Variants in MCPH1 observed in about 807,000 individuals in gnomAD.
The protein encoded by MCPH1 is microcephalin.
A neutral mutation model predicts 84.5 loss-of-function variants in MCPH1; 104 were observed. That is an observed-to-expected ratio of 1.23 (90% CI 1.05 to 1.45). MCPH1 has a LOEUF of 1.45. Ranked by LOEUF, MCPH1 falls within the 40% of genes most tolerant of loss-of-function variation. The pLI, the probability that MCPH1 is intolerant of heterozygous loss-of-function variation, is 0.00. For missense variants in MCPH1, 1,498 were observed against 1,005.7 expected (o/e 1.49, Z -6.62); for synonymous variants, 514 against 366.8 (o/e 1.40, Z -4.58).
At chr8:6,514,456 T>C (rs1815832595) in intron 12 of MCPH1, among the ~76,000 whole-genome samples, 1 of 152,192 alleles carries the variant, frequency 6.6e-6, no homozygotes, top group South Asian at 2.1e-4. Flanking sequence ...CCCAAAGTGC[T>C]GGGATTACAG....
chr8:6,445,388 G>A lies in MCPH1; in HGVS notation c.1666G>A (p.Val556Ile), dbSNP rs747554108. ...AAGCCTTGAAGAAATGAAAGAAGCG[G>A]TTGGTCTGAAAAGCACACAGAACAA... ...EGSLEEMKEA[V>I]GLKSTQNKGT... is the part of the protein sequence containing the mutation. Residue 556 changes from valine (V) to isoleucine (I), a missense_variant, in exon 8 of 14, where the codon GTT (valine) becomes ATT (isoleucine). Transcript: ENST00000344683. The A allele has an allele frequency of 1.2e-6, 2 of 1,614,258 alleles. No individual in the cohort carries two copies. The highest frequency in any genetic ancestry group is 1.3e-5 in the African/African-American group (1 of 75,076).
At chr8:6,452,451 A>T (rs75235095) in intron 8 of MCPH1, among the ~76,000 whole-genome samples, 1 of 152,240 alleles carries the variant, frequency 6.6e-6, no homozygotes, top group Non-Finnish European at 1.5e-5. Flanking sequence ...AACGAAGTCA[A>T]TGAATTGTGT....
At chr8:6,617,397 A>T (rs1379655122) in intron 12 of MCPH1, among the ~76,000 whole-genome samples, 1 of 151,208 alleles carries the variant, frequency 6.6e-6, no homozygotes, top group Admixed American at 6.6e-5. Flanking sequence ...CTTCTGCCTC[A>T]GCTTCCCAAA....
At chr8:6,442,902 A>G (rs1803731119) in intron 7 of MCPH1, among the ~76,000 whole-genome samples, 1 of 152,258 alleles carries the variant, frequency 6.6e-6, no homozygotes, top group African/African-American at 2.4e-5. Flanking sequence ...CTTTCAGCGC[A>G]GGGTTAATCC....
At chr8:6,498,132 A>G (rs529006525) in intron 11 of MCPH1, among the ~76,000 whole-genome samples, 3 of 152,266 alleles carry the variant, frequency 2.0e-5, no homozygotes, top group Non-Finnish European at 4.4e-5. Context: ...TGATAATATT[A>G]AAATGTAAAA....
chr8:6,635,778 A>C (rs1437393897), intron 13 of MCPH1, among the ~76,000 whole-genome samples: 1 of 152,104 alleles, frequency 6.6e-6, no homozygotes, highest in Non-Finnish European at 1.5e-5. Context: ...ACTGCTTCTT[A>C]TGTTCCTTCT....
intron 12 of MCPH1, among the ~76,000 whole-genome samples, chr8:6,535,471 A>T (rs764248639): frequency 6.6e-6 from 1 of 152,210 alleles, no homozygotes; most frequent in South Asian, 2.1e-4. Context: ...GCTATTCAGG[A>T]TGACTAAGTA....
At position 6,440,766 on chromosome 8, in the gene MCPH1, A is replaced by C. The variant is rs138846975; in HGVS notation, c.581-1301A>C. On this transcript the variant is annotated intron_variant, in intron 6 of 13. Coordinates refer to ENST00000344683, the MANE Select transcript of MCPH1 (RefSeq NM_024596.5). ...CCGAATGCAGCTTTTAATGTGATCAACTATTACCTCGCTTAATTTTATGTC... is the reference window on the plus strand; with the variant it reads ...CCGAATGCAGCTTTTAATGTGATCACCTATTACCTCGCTTAATTTTATGTC... 3.3e-5 allele frequency among the ~76,000 whole-genome samples: 5 copies of C among 152,312 alleles called. No homozygotes were observed. In the East Asian group the frequency reaches 5.8e-4, roughly 18 times the overall value.
chr8:6,561,642 G>C (rs962149820), intron 12 of MCPH1, among the ~76,000 whole-genome samples: 2 of 152,234 alleles, frequency 1.3e-5, no homozygotes, highest in African/African-American at 4.8e-5. Flanking sequence ...TAAGCATTGT[G>C]ATGTAATGGC....
At chr8:6,546,042 C>T (rs1039250883) in intron 12 of MCPH1, among the ~76,000 whole-genome samples, 49 of 152,226 alleles carry the variant, frequency 3.2e-4, no homozygotes, top group African/African-American at 9.4e-4. Context: ...CAAACACACC[C>T]GGTGTGAGTC....
chr8:6,471,203 T>G (rs1807674404), intron 9 of MCPH1, among the ~76,000 whole-genome samples: 1 of 152,132 alleles, frequency 6.6e-6, no homozygotes, highest in African/African-American at 2.4e-5. Context: ...CCAAAAGGGC[T>G]TTGTAAGCGT....
intron 11 of MCPH1, among the ~76,000 whole-genome samples, chr8:6,490,756 C>T (rs946688192): frequency 6.6e-6 from 1 of 151,994 alleles, no homozygotes; most frequent in Non-Finnish European, 1.5e-5. Context: ...TTAGGCTGTC[C>T]TTAACCAGAG....
At chr8:6,603,714 T>C (rs918426756) in intron 12 of MCPH1, among the ~76,000 whole-genome samples, 2 of 152,136 alleles carry the variant, frequency 1.3e-5, no homozygotes, top group Non-Finnish European at 2.9e-5. Context: ...AATCAGAAAG[T>C]AGGTTGTGCA....
chr8:6,540,983 C>G (rs896888825), intron 12 of MCPH1, among the ~76,000 whole-genome samples: 1 of 152,212 alleles, frequency 6.6e-6, no homozygotes, highest in Non-Finnish European at 1.5e-5. Flanking sequence ...GCAGGTGGAG[C>G]CTAGTGGGCA....
intron 12 of MCPH1, among the ~76,000 whole-genome samples, chr8:6,564,429 T>C (rs78088481): frequency 6.6e-6 from 1 of 152,162 alleles, no homozygotes; most frequent in African/African-American, 2.4e-5. Flanking sequence ...ATTCAAGGGG[T>C]GCACTCACAA....
At chr8:6,510,282 T>G (rs575792960) in intron 12 of MCPH1, among the ~76,000 whole-genome samples, 1 of 152,216 alleles carries the variant, frequency 6.6e-6, no homozygotes, top group East Asian at 1.9e-4. Context: ...TGTTGGCACG[T>G]TGGGTCCTCA....
At chr8:6,569,033 C>G (rs1826452374) in intron 12 of MCPH1, among the ~76,000 whole-genome samples, 1 of 152,192 alleles carries the variant, frequency 6.6e-6, no homozygotes, top group African/African-American at 2.4e-5. Context: ...CTGGGAGGGA[C>G]TTTTGAGACA....
chr8:6,530,160 A>G (rs897466248), intron 12 of MCPH1, among the ~76,000 whole-genome samples: 3 of 152,178 alleles, frequency 2.0e-5, no homozygotes, highest in African/African-American at 7.2e-5. Context: ...AAGGTGGGGC[A>G]TGTGACTTAA....
intron 12 of MCPH1, among the ~76,000 whole-genome samples, chr8:6,566,899 T>C (rs1405080713): frequency 1.2e-4 from 18 of 149,516 alleles, no homozygotes; most frequent in Non-Finnish European, 8.9e-5. Flanking sequence ...GCGGTGACCA[T>C]GTGTGATCGG....
Sources: allele counts gnomAD v4.1 joint callset (sites outside exome capture counted in the v4.1 genomes callset), GRCh38; gene constraint gnomAD v4.1.1; transcripts MANE v1.5; gene names NCBI Gene and HGNC (gene_info 2026-07-23, HGNC 2026-07-21).